Variants in ANKS1B observed in about 807,000 individuals in gnomAD.
The protein encoded by ANKS1B is ankyrin repeat and sterile alpha motif domain-containing protein 1B.
In ANKS1B, 36 loss-of-function variants were observed where a neutral mutation model predicts 148.3. The observed-to-expected ratio is 0.24, with a 90% CI of 0.19 to 0.32. The LOEUF (loss-of-function observed/expected upper bound fraction) is 0.32, where lower values mean the gene tolerates loss of function less well. Among genes scored for constraint, ANKS1B ranks in the 10% least tolerant of loss-of-function variants. The probability of loss-of-function intolerance (pLI) is 1.00; values close to 1 mark genes in which losing one functional copy is unlikely to be tolerated. For synonymous variants in ANKS1B, 542 were observed against 560.8 expected (o/e 0.97, Z 0.47); for missense variants, 1,157 against 1,542.6 (o/e 0.75, Z 4.19).
chr12:98,889,998 G>A (rs2099748870), intron 17 of ANKS1B, among the ~76,000 whole-genome samples: 1 of 152,152 alleles, frequency 6.6e-6, no homozygotes, highest in East Asian at 1.9e-4. Context: ...TCTGAGATAA[G>A]AGCAGCGAAC....
chr12:99,002,375 T>G (rs1424747454), intron 17 of ANKS1B, among the ~76,000 whole-genome samples: 5 of 152,184 alleles, frequency 3.3e-5, no homozygotes, highest in Non-Finnish European at 7.3e-5. Flanking sequence ...GAAGCATAGT[T>G]GACAAAGATT....
At chr12:99,162,526 C>T (rs2076766224) in intron 14 of ANKS1B, among the ~76,000 whole-genome samples, 1 of 151,810 alleles carries the variant, frequency 6.6e-6, no homozygotes, top group Non-Finnish European at 1.5e-5. Context: ...CTTGGTTACC[C>T]CTTCCTCCAT....
At chr12:99,926,257 G>C (rs146216400) in intron 1 of ANKS1B, among the ~76,000 whole-genome samples, 1 of 152,262 alleles carries the variant, frequency 6.6e-6, no homozygotes, top group Non-Finnish European at 1.5e-5. Flanking sequence ...CCAGATTCTA[G>C]CAAGTACCAC....
intron 5 of ANKS1B, among the ~76,000 whole-genome samples, chr12:99,780,621 C>T (rs984919933): frequency 1.3e-5 from 2 of 152,138 alleles, no homozygotes; most frequent in African/African-American, 4.8e-5. Flanking sequence ...TTTAACTCAA[C>T]AGCACACTAT....
chr12:98,915,058 T>A (rs138854085), intron 17 of ANKS1B, among the ~76,000 whole-genome samples: 83 of 152,256 alleles, frequency 5.5e-4, no homozygotes, highest in Admixed American at 2.5e-3. Flanking sequence ...ATGGGTTGAA[T>A]TATGTTCCCC....
chr12:99,528,444 CAAAA>C (rs1276451213), intron 9 of ANKS1B, among the ~76,000 whole-genome samples: 1 of 123,552 alleles, frequency 8.1e-6, no homozygotes, highest in African/African-American at 3.1e-5. Flanking sequence ...AAAAAAAAAA[CAAAA>C]AAAAAACCAT....
chr12:98,895,230 G>C, intron 17 of ANKS1B: 1 of 985,556 alleles, frequency 1.0e-6, no homozygotes, highest in South Asian at 4.7e-5. Flanking sequence ...GCGCGCGGGG[G>C]CCTCCTCCTG....
intron 12 of ANKS1B, among the ~76,000 whole-genome samples, chr12:99,249,582 A>T (rs1342177920): frequency 1.3e-5 from 2 of 152,228 alleles, no homozygotes; most frequent in Non-Finnish European, 2.9e-5. Flanking sequence ...CCAGTGGCCA[A>T]ATCCTAAAGA....
intron 24 of ANKS1B, among the ~76,000 whole-genome samples, chr12:98,774,338 AC>A: frequency 6.6e-6 from 1 of 152,246 alleles, no homozygotes; most frequent in African/African-American, 2.4e-5. Context: ...CCTCCCTCTT[AC>A]TGGCTTAACA....
chr12:99,925,592 CT>C (rs2094461536), intron 1 of ANKS1B, among the ~76,000 whole-genome samples: 1 of 152,112 alleles, frequency 6.6e-6, no homozygotes, highest in African/African-American at 2.4e-5. Context: ...ATGCACCCTT[CT>C]TTGTCTTGCT....
chr12:99,911,468 C>G (rs2094003249), intron 1 of ANKS1B, among the ~76,000 whole-genome samples: 1 of 152,072 alleles, frequency 6.6e-6, no homozygotes, highest in African/African-American at 2.4e-5. Flanking sequence ...GTCTTCAGTC[C>G]AAAATAAACT....
At chr12:99,146,048 A>C (rs920430565) in intron 15 of ANKS1B, among the ~76,000 whole-genome samples, 6 of 152,130 alleles carry the variant, frequency 3.9e-5, no homozygotes, top group Non-Finnish European at 2.9e-5. Flanking sequence ...ACTATATAGA[A>C]TTATGGGTAT....
At chr12:98,910,140 T>A (rs2099784795) in intron 17 of ANKS1B, among the ~76,000 whole-genome samples, 1 of 152,162 alleles carries the variant, frequency 6.6e-6, no homozygotes, top group Non-Finnish European at 1.5e-5. Context: ...AGTATTAGAA[T>A]TCAAAAGGAG....
chr12:99,022,684 G>A (rs564245270), intron 17 of ANKS1B, among the ~76,000 whole-genome samples: 10 of 151,708 alleles, frequency 6.6e-5, no homozygotes, highest in Non-Finnish European at 1.2e-4. Flanking sequence ...TTTAAGTGGG[G>A]TTTTCTTTTC....
At chr12:99,551,587 G>A (rs114831549) in intron 9 of ANKS1B, among the ~76,000 whole-genome samples, 1,628 of 149,176 alleles carry the variant, frequency 0.011, 50 homozygotes, top group African/African-American at 0.039. Flanking sequence ...AGAATACTCT[G>A]GAGCACACAG....
At chr12:99,558,894 T>C (rs567921763) in intron 9 of ANKS1B, among the ~76,000 whole-genome samples, 1 of 152,256 alleles carries the variant, frequency 6.6e-6, no homozygotes, top group East Asian at 1.9e-4. Flanking sequence ...TCCTACAACC[T>C]ATCTAGGCAG....
Position 99,455,119 on chromosome 12 carries a change from G to A in ANKS1B, c.1439-11310C>T, listed in dbSNP as rs60869971. On this transcript the variant is annotated intron_variant, in intron 10 of 26. Transcript: ENST00000683438. ...TCTTAACAACCTATTCTTTTCTCCG[G>A]TTGTACTCTTAGTGGTCCCTGTATT... 3.7e-3 allele frequency among the ~76,000 whole-genome samples: 568 copies of A among 152,006 alleles called. 3 individuals carry two copies. Among genetic ancestry groups the A allele is most frequent in the African/African-American group, 0.013 (538 of 41,450 alleles).
chr12:99,621,970 T>G (rs1329579732), intron 9 of ANKS1B, among the ~76,000 whole-genome samples: 1 of 152,022 alleles, frequency 6.6e-6, no homozygotes, highest in Non-Finnish European at 1.5e-5. Context: ...TGTCTACACA[T>G]GGAACTTACT....
intron 9 of ANKS1B, among the ~76,000 whole-genome samples, chr12:99,586,566 T>C (rs926647146): frequency 1.3e-5 from 2 of 152,192 alleles, no homozygotes; most frequent in South Asian, 4.1e-4. Context: ...TGCCTGTAAG[T>C]TACTTCCACA....
Sources: allele counts gnomAD v4.1 joint callset (sites outside exome capture counted in the v4.1 genomes callset), GRCh38; gene constraint gnomAD v4.1.1; transcripts MANE v1.5; gene names NCBI Gene and HGNC (gene_info 2026-07-23, HGNC 2026-07-21).